The following DSCAML1 variants were observed in gnomAD, a reference collection of about 807,000 sequenced individuals.
DSCAML1 encodes the protein DS cell adhesion molecule like 1, also known as cell adhesion molecule DSCAML1.
A neutral mutation model predicts 200.5 loss-of-function variants in DSCAML1; 38 were observed. That is an observed-to-expected ratio of 0.19 (90% CI 0.15 to 0.25). DSCAML1 has a LOEUF of 0.25. Among genes scored for constraint, DSCAML1 ranks in the 10% least tolerant of loss-of-function variants. The probability of loss-of-function intolerance (pLI) is 1.00; values close to 1 mark genes in which losing one functional copy is unlikely to be tolerated. For synonymous variants in DSCAML1, 1,215 were observed against 1,165.0 expected (o/e 1.04, Z -0.87); for missense variants, 2,223 against 2,858.8 (o/e 0.78, Z 5.07).
intron 3 of DSCAML1, among the ~76,000 whole-genome samples, chr11:117,655,416 A>G (rs923426418): frequency 6.6e-6 from 1 of 152,258 alleles, no homozygotes; most frequent in Non-Finnish European, 1.5e-5. Context: ...TATTGGGTTC[A>G]TAGTATCATC....
At chr11:117,491,141 G>T (rs778074436) in intron 11 of DSCAML1, among the ~76,000 whole-genome samples, 1 of 152,188 alleles carries the variant, frequency 6.6e-6, no homozygotes, top group African/African-American at 2.4e-5. Context: ...AATGCCACGG[G>T]CTGCCGGGAG....
intron 3 of DSCAML1, among the ~76,000 whole-genome samples, chr11:117,618,450 C>G (rs2051857080): frequency 6.6e-6 from 1 of 152,156 alleles, no homozygotes; most frequent in Admixed American, 6.5e-5. Flanking sequence ...CTTCAGTTTT[C>G]AACACCTGTC....
chr11:117,593,628 C>T (rs185089191), intron 3 of DSCAML1, among the ~76,000 whole-genome samples: 1 of 152,196 alleles, frequency 6.6e-6, no homozygotes. Flanking sequence ...AGCCAAGGAA[C>T]AGAGCCGCCT....
chr11:117,536,376 G>A (rs573313186), intron 3 of DSCAML1, among the ~76,000 whole-genome samples: 17 of 152,216 alleles, frequency 1.1e-4, no homozygotes, highest in Non-Finnish European at 2.2e-4. Context: ...GCACCCCAGA[G>A]GCAACTAGCC....
At chr11:117,566,984 G>T (rs10892138) in intron 3 of DSCAML1, among the ~76,000 whole-genome samples, 130,760 of 151,880 alleles carry the variant, frequency 0.86, 56,514 homozygotes, top group Middle Eastern at 0.9. Context: ...ATCATTGTTG[G>T]ACATTTGGGT....
chr11:117,609,334 G>C (rs754424651), intron 3 of DSCAML1, among the ~76,000 whole-genome samples: 1 of 147,462 alleles, frequency 6.8e-6, no homozygotes, highest in Admixed American at 6.7e-5. Context: ...TTGAGACAGG[G>C]TCTCACTTTG....
chr11:117,527,342 C>A (rs1258098247), intron 4 of DSCAML1, among the ~76,000 whole-genome samples: 1 of 152,190 alleles, frequency 6.6e-6, no homozygotes, highest in African/African-American at 2.4e-5. Context: ...GAGGCAGCCC[C>A]CATCAGCACT....
intron 3 of DSCAML1, among the ~76,000 whole-genome samples, chr11:117,624,273 C>T (rs1293884988): frequency 6.6e-6 from 1 of 152,074 alleles, no homozygotes; most frequent in Non-Finnish European, 1.5e-5. Context: ...CAGGAGGGGC[C>T]ACCTCAGCGA....
At position 117,745,146 on chromosome 11, in the gene DSCAML1, G is replaced by A. The variant is rs1488361896; in HGVS notation, c.511+31645C>T. 2.0e-5 allele frequency among the ~76,000 whole-genome samples: 3 copies of A among 152,106 alleles called. No individual in the cohort carries two copies. The East Asian group carries it at 5.8e-4, about 30-fold the overall frequency. ...TAATCCATGGTGACAGGCCTCAGGA[G>A]GGTGGTCATCTGGGTGGGGGGGATG... On this transcript the variant is annotated intron_variant, in intron 3 of 32. Transcript: ENST00000651296.
At chr11:117,631,225 G>T (rs921892068) in intron 3 of DSCAML1, among the ~76,000 whole-genome samples, 4 of 152,222 alleles carry the variant, frequency 2.6e-5, no homozygotes, top group Admixed American at 1.3e-4. Flanking sequence ...CTACCTGGGG[G>T]CCTCCTGCTG....
intron 3 of DSCAML1, among the ~76,000 whole-genome samples, chr11:117,617,947 GACA>G (rs1451256908): frequency 6.6e-6 from 1 of 152,094 alleles, no homozygotes; most frequent in Non-Finnish European, 1.5e-5. Context: ...AACCATGCAG[GACA>G]ACACCACCTG....
At chr11:117,546,211 A>C (rs897784694) in intron 3 of DSCAML1, among the ~76,000 whole-genome samples, 2 of 152,210 alleles carry the variant, frequency 1.3e-5, no homozygotes, top group Admixed American at 1.3e-4. Flanking sequence ...TCAGGAGGAC[A>C]CAGGAAGTTA....
chr11:117,561,706 T>A (rs111306561), intron 3 of DSCAML1, among the ~76,000 whole-genome samples: 2 of 152,360 alleles, frequency 1.3e-5, no homozygotes, highest in South Asian at 4.1e-4. Flanking sequence ...TCAGCTTTAC[T>A]TCTACTGAAA....
At chr11:117,593,949 G>A (rs554136861) in intron 3 of DSCAML1, among the ~76,000 whole-genome samples, 2 of 152,092 alleles carry the variant, frequency 1.3e-5, no homozygotes, top group South Asian at 2.1e-4. Context: ...TCCTGACCTC[G>A]TGATCCGCCC....
intron 3 of DSCAML1, among the ~76,000 whole-genome samples, chr11:117,547,418 C>T (rs1247222742): frequency 2.6e-5 from 4 of 152,290 alleles, no homozygotes; most frequent in Admixed American, 1.3e-4. Flanking sequence ...GGCAGCTGCC[C>T]GCCCTTGGCT....
intron 3 of DSCAML1, among the ~76,000 whole-genome samples, chr11:117,545,941 C>T (rs1337655195): frequency 3.3e-5 from 5 of 152,224 alleles, no homozygotes; most frequent in Non-Finnish European, 7.3e-5. Context: ...TTTGCTTGTG[C>T]AACTGGGGTC....
chr11:117,461,635 C>G, intron 17 of DSCAML1, 39 bp from the exon 18 acceptor site: 1 of 1,594,556 alleles, frequency 6.3e-7, no homozygotes, highest in Non-Finnish European at 8.5e-7. Flanking sequence ...TCCAGTCAGT[C>G]ATGGATGTGA....
chr11:117,534,488 A>T (rs1286138902), intron 3 of DSCAML1, among the ~76,000 whole-genome samples: 1 of 151,902 alleles, frequency 6.6e-6, no homozygotes, highest in Non-Finnish European at 1.5e-5. Context: ...TCCTGCTTTG[A>T]CTCACTGGTG....
chr11:117,668,382 G>A (rs551213764), intron 3 of DSCAML1: 1 of 152,364 alleles, frequency 6.6e-6, no homozygotes, highest in Admixed American at 6.5e-5. Context: ...CCAGCCAGCT[G>A]CTGAGTGTCT....
Sources: allele counts gnomAD v4.1 joint callset (sites outside exome capture counted in the v4.1 genomes callset), GRCh38; gene constraint gnomAD v4.1.1; transcripts MANE v1.5; gene names NCBI Gene and HGNC (gene_info 2026-07-23, HGNC 2026-07-21).